Variants in DPP10 observed in about 807,000 individuals in gnomAD.
DPP10 encodes the protein dipeptidyl peptidase like 10, also known as inactive dipeptidyl peptidase 10.
DPP10 carries 33 observed loss-of-function variants against 120.9 expected under a neutral mutation model. That is an observed-to-expected ratio of 0.27 (90% CI 0.21 to 0.37). The LOEUF (loss-of-function observed/expected upper bound fraction) is 0.37. DPP10 is among the 10% of genes least tolerant of loss of function. DPP10 has a pLI of 1.00. For synonymous variants in DPP10, 337 were observed against 326.1 expected (o/e 1.03, Z -0.36); for missense variants, 816 against 942.8 (o/e 0.87, Z 1.76).
chr2:115,624,481 A>T (rs1035381579), intron 5 of DPP10, among the ~76,000 whole-genome samples: 2 of 152,158 alleles, frequency 1.3e-5, no homozygotes, highest in African/African-American at 4.8e-5. Context: ...AGAATGAGCA[A>T]CCTATGAGAT....
At chr2:114,526,585 T>C (rs1685518796) in intron 1 of DPP10, among the ~76,000 whole-genome samples, 1 of 152,158 alleles carries the variant, frequency 6.6e-6, no homozygotes, top group African/African-American at 2.4e-5. Flanking sequence ...AAAACAGTTA[T>C]TTCTTGCAGT....
intron 1 of DPP10, among the ~76,000 whole-genome samples, chr2:114,607,452 A>C (rs1309009039): frequency 6.6e-6 from 1 of 152,198 alleles, no homozygotes; most frequent in Non-Finnish European, 1.5e-5. Context: ...GAAAATGTTC[A>C]TTCATGGACC....
At chr2:115,494,261 T>C (rs1352751266) in intron 3 of DPP10, among the ~76,000 whole-genome samples, 2 of 152,168 alleles carry the variant, frequency 1.3e-5, no homozygotes, top group Non-Finnish European at 2.9e-5. Flanking sequence ...TTAATCCTTT[T>C]GTTTTTTGAA....
At chr2:115,095,602 C>T (rs1476197958) in intron 1 of DPP10, among the ~76,000 whole-genome samples, 3 of 135,576 alleles carry the variant, frequency 2.2e-5, no homozygotes, top group African/African-American at 5.4e-5. Context: ...TTTTTTGATA[C>T]GGAGTCTCAC....
intron 1 of DPP10, among the ~76,000 whole-genome samples, chr2:114,576,762 C>T (rs2105054386): frequency 6.6e-6 from 1 of 152,316 alleles, no homozygotes; most frequent in South Asian, 2.1e-4. Context: ...ACAGCATCTG[C>T]TCTGCAAGAC....
intron 1 of DPP10, among the ~76,000 whole-genome samples, chr2:114,572,536 C>G (rs1045601704): frequency 6.6e-6 from 1 of 152,122 alleles, no homozygotes; most frequent in Non-Finnish European, 1.5e-5. Flanking sequence ...GAAACATGAT[C>G]AGAAGAGGCA....
At chr2:115,457,051 G>A (rs1274027506) in intron 3 of DPP10, among the ~76,000 whole-genome samples, 1 of 151,798 alleles carries the variant, frequency 6.6e-6, no homozygotes, top group Admixed American at 6.6e-5. Context: ...AAGAAAATGT[G>A]GTACTATCAT....
intron 1 of DPP10, among the ~76,000 whole-genome samples, chr2:114,848,934 A>G (rs980554455): frequency 6.6e-6 from 1 of 152,162 alleles, no homozygotes; most frequent in Non-Finnish European, 1.5e-5. Context: ...CTGATACAAG[A>G]TGACTTCCTG....
chr2:115,676,476 A>G (rs770062378), intron 5 of DPP10, among the ~76,000 whole-genome samples: 44 of 152,232 alleles, frequency 2.9e-4, no homozygotes, highest in Admixed American at 3.3e-4. Flanking sequence ...AATATGATTT[A>G]GAAATTCAAT....
intron 1 of DPP10, among the ~76,000 whole-genome samples, chr2:114,938,267 T>C (rs1696632281): frequency 6.6e-6 from 1 of 152,190 alleles, no homozygotes. Flanking sequence ...TTTTCTAAAA[T>C]ATGATATTAA....
At chr2:114,955,445 G>C (rs1698130402) in intron 1 of DPP10, among the ~76,000 whole-genome samples, 3 of 152,172 alleles carry the variant, frequency 2.0e-5, no homozygotes, top group Non-Finnish European at 4.4e-5. Flanking sequence ...ATTTTACCCA[G>C]TTCTGCTGAA....
intron 1 of DPP10, among the ~76,000 whole-genome samples, chr2:114,804,351 T>A (rs1006195980): frequency 2.0e-5 from 3 of 151,620 alleles, no homozygotes; most frequent in African/African-American, 7.3e-5. Context: ...CCACACAGAG[T>A]CCCTACTGGG....
intron 1 of DPP10, among the ~76,000 whole-genome samples, chr2:114,943,206 A>G (rs1697091598): frequency 1.3e-5 from 2 of 152,100 alleles, no homozygotes; most frequent in Non-Finnish European, 2.9e-5. Flanking sequence ...AGCTTCATCC[A>G]TGTCCCTGCA....
At chr2:115,709,640 A>T (rs1420193021) in intron 7 of DPP10, among the ~76,000 whole-genome samples, 3 of 151,770 alleles carry the variant, frequency 2.0e-5, no homozygotes, top group African/African-American at 7.3e-5. Context: ...AAAAAATTGG[A>T]TGGGATAAAG....
intron 1 of DPP10, among the ~76,000 whole-genome samples, chr2:114,646,534 C>T (rs2105459802): frequency 6.6e-6 from 1 of 152,270 alleles, no homozygotes; most frequent in East Asian, 1.9e-4. Context: ...AGGAACTCCC[C>T]AAATTAATTA....
At position 114,901,790 on chromosome 2, in the gene DPP10, A is replaced by G. The variant is rs1324717548; in HGVS notation, c.61-407449A>G. Among the ~76,000 whole-genome samples the G allele has an allele frequency of 3.3e-5, 5 of 152,328 alleles. No homozygotes were observed. The East Asian group carries it at 7.7e-4, about 23-fold the overall frequency. ...AAATTTTAAAGAAGTGGGATCAAGA[A>G]CCTTAAGCTCTTTCTTCAAATAATA... On this transcript the variant is annotated intron_variant, in intron 1 of 25. Coordinates refer to ENST00000410059, the MANE Select transcript of DPP10 (RefSeq NM_020868.6).
chr2:114,879,456 A>G (rs1037942294), intron 1 of DPP10, among the ~76,000 whole-genome samples: 2 of 152,182 alleles, frequency 1.3e-5, no homozygotes, highest in African/African-American at 4.8e-5. Context: ...AGTAGTCTCC[A>G]AGAAATTTCA....
intron 1 of DPP10, among the ~76,000 whole-genome samples, chr2:114,545,262 T>TA (rs1247200382): frequency 6.6e-6 from 1 of 152,132 alleles, no homozygotes; most frequent in African/African-American, 2.4e-5. Context: ...TTATATAAGT[T>TA]AATAAATTTT....
At chr2:115,226,718 T>C (rs547209397) in intron 1 of DPP10, among the ~76,000 whole-genome samples, 1 of 152,314 alleles carries the variant, frequency 6.6e-6, no homozygotes, top group East Asian at 1.9e-4. Flanking sequence ...TTACATCAAT[T>C]TGGTATTTCC....
Sources: gnomAD v4.1 joint callset for allele counts (sites outside exome capture counted in the v4.1 genomes callset) on GRCh38, gnomAD v4.1.1 for gene constraint, MANE v1.5 for transcripts, NCBI Gene and HGNC (gene_info 2026-07-23, HGNC 2026-07-21) for gene names.